Variants in DHX57 observed in about 807,000 individuals in gnomAD.
The protein encoded by DHX57 is DExH-box helicase 57.
DHX57 carries 105 observed loss-of-function variants against 156.2 expected under a neutral mutation model. The observed-to-expected ratio is 0.67, with a 90% CI of 0.57 to 0.79. DHX57 has a LOEUF of 0.79. Among genes scored for constraint, DHX57 ranks in the 30% least tolerant of loss-of-function variants. The pLI, the probability that DHX57 is intolerant of heterozygous loss-of-function variation, is 0.00. For missense variants in DHX57, 1,847 were observed against 1,661.9 expected, an observed-to-expected ratio of 1.11 and a Z score of -1.94; for synonymous variants, 704 against 595.6, an observed-to-expected ratio of 1.18 and a Z score of -2.65.
intron 19 of DHX57, 66 bp downstream of exon 19, chr2:38,818,811 G>A (rs898618517): frequency 2.3e-5 from 36 of 1,552,216 alleles, no homozygotes; most frequent in Non-Finnish European, 3.1e-5. Flanking sequence ...ATGAGACAAA[G>A]TCGCAGCACC....
chr2:38,845,565 T>G (rs1300224659), intron 11 of DHX57, among the ~76,000 whole-genome samples: 1 of 152,124 alleles, frequency 6.6e-6, no homozygotes, highest in Non-Finnish European at 1.5e-5. Flanking sequence ...AGGTCAGGAA[T>G]GAAGATACTA....
chr2:38,868,508 A>G (rs1665196403), intron 1 of DHX57, 97 bp from the exon 2 acceptor site: 2 of 1,241,182 alleles, frequency 1.6e-6, no homozygotes, highest in Admixed American at 2.2e-5. Context: ...CTTTAAAGAA[A>G]CAAAGGAAAA....
At chr2:38,827,478 T>C (rs3099981) in intron 14 of DHX57, among the ~76,000 whole-genome samples, 24,214 of 71,320 alleles carry the variant, frequency 0.34, 3,249 homozygotes, top group Admixed American at 0.42. Context: ...AGAGCGAGAC[T>C]CTGTCTCAAA....
intron 13 of DHX57, among the ~76,000 whole-genome samples, chr2:38,830,085 G>A (rs1017711338): frequency 6.6e-5 from 10 of 152,052 alleles, no homozygotes; most frequent in African/African-American, 2.4e-4. Context: ...AATATTTATT[G>A]GGTGCCTATG....
chr2:38,833,002 T>C (rs979762067), intron 13 of DHX57, among the ~76,000 whole-genome samples: 112 of 149,320 alleles, frequency 7.5e-4, no homozygotes, highest in African/African-American at 2.6e-3. Flanking sequence ...TTTTTTTTTT[T>C]CTGAGACGGA....
Position 38,823,124 on chromosome 2 carries a change from G to A in DHX57, c.3160C>T (p.Pro1054Ser). 6.2e-7 allele frequency: 1 copy of A among 1,614,148 alleles called. No individual in the cohort carries two copies. Among genetic ancestry groups the A allele is most frequent in the East Asian group, 2.2e-5 (1 of 44,884 alleles). ...AGAGAGGCCAAATGATACCCAAGAGGGGTCAATCTTTCATCTGGAGTTAAT... is the reference window on the plus strand; with the variant it reads ...AGAGAGGCCAAATGATACCCAAGAGAGGTCAATCTTTCATCTGGAGTTAAT... ...GALTPDERLTPLGYHLASLPV... is the reference protein window; with the variant it reads ...GALTPDERLTSLGYHLASLPV... Residue 1054 changes from proline to serine, a missense_variant, in exon 17 of 24, where the codon CCT becomes TCT. Transcript: ENST00000457308.
chr2:38,842,228 A>G (rs534254907), intron 12 of DHX57, among the ~76,000 whole-genome samples: 1 of 152,346 alleles, frequency 6.6e-6, no homozygotes, highest in African/African-American at 2.4e-5. Flanking sequence ...ATGGATGGAC[A>G]TTCTACAAAA....
At chr2:38,866,053 T>C (rs1258634791) in intron 2 of DHX57, among the ~76,000 whole-genome samples, 1 of 148,976 alleles carries the variant, frequency 6.7e-6, no homozygotes, top group Non-Finnish European at 1.5e-5. Context: ...GGCTAAGCCA[T>C]GATCCTGGTG....
chr2:38,836,775 C>CAAAAAAAAAAAAAAAA (rs964200602), intron 13 of DHX57, among the ~76,000 whole-genome samples: 1 of 42,466 alleles, frequency 2.4e-5, no homozygotes, highest in Non-Finnish European at 5.3e-5. Context: ...GACCCTGTCT[C>CAAAAAAAAAAAAAAAA]AAAAAAAAAA....
At chr2:38,830,324 A>G (rs1671315243) in intron 13 of DHX57, among the ~76,000 whole-genome samples, 1 of 152,152 alleles carries the variant, frequency 6.6e-6, no homozygotes, top group Non-Finnish European at 1.5e-5. Flanking sequence ...CCTCATAGCC[A>G]TCCATTGAGA....
intron 2 of DHX57, among the ~76,000 whole-genome samples, chr2:38,866,938 G>C (rs1665107174): frequency 6.6e-6 from 1 of 152,086 alleles, no homozygotes; most frequent in African/African-American, 2.4e-5. Context: ...AATATCCCTA[G>C]GCCTTCACAT....
At chr2:38,829,214 A>G (rs1671254554) in intron 13 of DHX57, among the ~76,000 whole-genome samples, 1 of 151,498 alleles carries the variant, frequency 6.6e-6, no homozygotes, top group South Asian at 2.1e-4. Flanking sequence ...AAATGCTGGG[A>G]TTACAGGCAT....
intron 12 of DHX57, 55 bp downstream of exon 12, chr2:38,842,950 A>G: frequency 1.3e-6 from 2 of 1,566,594 alleles, no homozygotes; most frequent in Non-Finnish European, 1.8e-6. Flanking sequence ...CTTGGTAAGA[A>G]AGAATACTAG....
rs1217852163 is a variant in DHX57 at position 38,863,431 on chromosome 2, AAGTCATATGTAG to A, written c.301_312del (p.Leu101_Thr104del). On this transcript the variant is annotated inframe_deletion, in exon 3 of 24. Transcript: ENST00000457308. ...GCTTTCACTTTCTCTTGATTCTCAG[AAGTCATATGTAG>A]AGTCTGAAGGGGTACTTTGGCTTTG... is the stretch of plus-strand genomic sequence containing the variant. 2 of 1,613,958 alleles carry A rather than the reference AAGTCATATGTAG, an allele frequency of 1.2e-6. No individual in the cohort carries two copies. Among genetic ancestry groups the A allele is most frequent in the Non-Finnish European group, 1.7e-6 (2 of 1,180,026 alleles).
intron 17 of DHX57, among the ~76,000 whole-genome samples, chr2:38,822,347 C>T (rs1374323236): frequency 1.3e-5 from 2 of 152,100 alleles, no homozygotes; most frequent in Non-Finnish European, 2.9e-5. Flanking sequence ...TCCCAAAGAG[C>T]TGGGATTACA....
chr2:38,798,800 G>A (rs1281165821), intron 23 of DHX57, among the ~76,000 whole-genome samples: 2 of 152,002 alleles, frequency 1.3e-5, no homozygotes, highest in Non-Finnish European at 2.9e-5. Flanking sequence ...AAAAATTAGC[G>A]AGTTGTGGTG....
chr2:38,858,932 A>G, intron 5 of DHX57, 96 bp from the exon 6 acceptor site: 7 of 1,226,788 alleles, frequency 5.7e-6, no homozygotes, highest in Non-Finnish European at 7.7e-6. Flanking sequence ...ACAAAAAGTC[A>G]AAATGGAGAA....
At chr2:38,847,410 A>G (rs566367264) in intron 10 of DHX57, among the ~76,000 whole-genome samples, 1 of 152,236 alleles carries the variant, frequency 6.6e-6, no homozygotes, top group Non-Finnish European at 1.5e-5. Flanking sequence ...GATCAAACAC[A>G]AAGTTTCTTC....
chr2:38,859,671 T>C (rs184114878), intron 5 of DHX57, among the ~76,000 whole-genome samples: 4 of 152,214 alleles, frequency 2.6e-5, no homozygotes, highest in Non-Finnish European at 5.9e-5. Context: ...GGTTAGTGAG[T>C]GAATCTGGCT....
Sources: gnomAD v4.1 joint callset for allele counts (sites outside exome capture counted in the v4.1 genomes callset) on GRCh38, gnomAD v4.1.1 for gene constraint, MANE v1.5 for transcripts, NCBI Gene and HGNC (gene_info 2026-07-23, HGNC 2026-07-21) for gene names.